Variants in ARHGDIG observed in about 807,000 individuals in gnomAD.
ARHGDIG encodes the protein Rho GDP dissociation inhibitor gamma, also known as rho GDP-dissociation inhibitor 3.
In ARHGDIG, 14 loss-of-function variants were observed where a neutral mutation model predicts 20.2. The observed-to-expected ratio is 0.69, with a 90% CI of 0.46 to 1.08. ARHGDIG has a LOEUF of 1.08. Ranked by LOEUF, ARHGDIG falls within the 50% of genes least tolerant of loss-of-function variation. The pLI is 0.00. For synonymous variants in ARHGDIG, 193 were observed against 138.6 expected (o/e 1.39, Z -2.76); for missense variants, 311 against 301.8 (o/e 1.03, Z -0.23).
In ARHGDIG at chr16:282,937, C is replaced by G. The variant is rs566257003; in HGVS notation, c.*123C>G. 1.0e-4 allele frequency: 111 copies of G among 1,092,650 alleles called. No homozygotes were observed. In the East Asian group the frequency reaches 2.9e-3, roughly 29 times the overall value. The allele number at this position is 1,092,650 out of a possible 1,614,324, so 67.7% of individuals were successfully genotyped here. A position where few individuals can be genotyped will look rare whatever the true frequency, so the allele number is the denominator to read the frequency against. On this transcript the variant is annotated 3_prime_UTR_variant, in exon 6 of 6. Coordinates refer to ENST00000219409, the MANE Select transcript of ARHGDIG (RefSeq NM_001176.4). ...GCCCCTGCTGCCCCTGCTGCCCCTGCTCTGTCCCGGGACCCCCTGGCCTGG... is the reference window on the plus strand; with the variant it reads ...GCCCCTGCTGCCCCTGCTGCCCCTGGTCTGTCCCGGGACCCCCTGGCCTGG...
At position 282,114 on chromosome 16, in the gene ARHGDIG, T is replaced by C. The variant is rs1233988644; in HGVS notation, c.337+6T>C. The stretch of plus-strand genomic sequence containing the variant: ...CGTCGTCATGGATCTCACAGGTAAC[T>C]CGCAGGATGCTGCACCCTGAACACA... On this transcript the variant is annotated splice_donor_region_variant and intron_variant, in intron 3 of 5. Coordinates refer to ENST00000219409, the MANE Select transcript of ARHGDIG (RefSeq NM_001176.4). The C allele has an allele frequency of 6.2e-7, 1 of 1,612,810 alleles. No homozygotes were observed. Among genetic ancestry groups the C allele is most frequent in the South Asian group, 1.1e-5 (1 of 91,084 alleles).
chr16:280,651 G>T lies in ARHGDIG; in HGVS notation c.-30G>T, dbSNP rs1273877985. On this transcript the variant is annotated 5_prime_UTR_variant, in exon 1 of 6. Coordinates refer to ENST00000219409, the MANE Select transcript of ARHGDIG (RefSeq NM_001176.4). The surrounding 1 kb of genome is among the most constrained non-coding windows in gnomAD (Gnocchi z 6.6). Reference sequence around the variant, plus strand: ...GCGGGGCGGGCGGCGGCTCCTCGGCGGCTCCGCGGCGCCCGGGCCGCGCGC... The same window carrying T: ...GCGGGGCGGGCGGCGGCTCCTCGGCTGCTCCGCGGCGCCCGGGCCGCGCGC... The T allele has an allele frequency of 4.7e-6, 4 of 842,150 alleles. No individual in the cohort carries two copies. The Admixed American group carries it at 1.5e-3, about 314-fold the overall frequency. 52.2% of individuals were successfully genotyped at this position (842,150 alleles called of 1,614,324 possible).
Position 280,711 on chromosome 16 carries a change from G to T in ARHGDIG, c.31G>T (p.Ala11Ser). The change falls in exon 1 of 6, where the codon GCG (alanine) becomes TCG (serine). Residue 11 changes from alanine to serine, a missense_variant. Transcript: ENST00000219409. The surrounding 1 kb of genome is among the most constrained non-coding windows in gnomAD (Gnocchi z 6.6). The stretch of plus-strand genomic sequence containing the variant: ...GGGCCTGGACGCGTGCGAGCTGGGG[G>T]CGCAGCTGCTGGAGCTGCTCCGGCT... MLGLDACELG[A>S]QLLELLRLAL... 7.9e-7 allele frequency: 1 copy of T among 1,272,032 alleles called. No homozygotes were observed. Among genetic ancestry groups the T allele is most frequent in the South Asian group, 2.0e-5 (1 of 49,228 alleles). 78.8% of individuals were successfully genotyped at this position (1,272,032 alleles called of 1,614,324 possible).
chr16:280,780 G>GC lies in ARHGDIG; in HGVS notation c.73+28dup, dbSNP rs1860021471. The GC allele has an allele frequency of 9.6e-6, 12 of 1,256,110 alleles. No individual in the cohort carries two copies. The highest frequency in any genetic ancestry group is 9.5e-5 in the African/African-American group (6 of 63,190). The allele number at this position is 1,256,110 out of a possible 1,614,324, so 77.8% of individuals were successfully genotyped here. ...TGAGCGGGCCGGGCAGGGGCGGGGG[G>GC]CTCGGCTGGTCTCAGCCCCGGGCGG... On this transcript the variant is annotated intron_variant, in intron 1 of 5. Transcript: ENST00000219409. The surrounding 1 kb of genome is among the most constrained non-coding windows in gnomAD (Gnocchi z 6.6).
chr16:281,151 G>A (rs113643051), intron 1 of ARHGDIG: 17,201 of 154,120 alleles, frequency 0.11, 1,573 homozygotes, highest in African/African-American at 0.26. Context: ...ACCAGCCCGG[G>A]GCGCCATGGG....
intron 5 of ARHGDIG, 31 bp downstream of exon 5, chr16:282,561 G>A (rs761872944): frequency 1.9e-5 from 30 of 1,546,858 alleles, no homozygotes; most frequent in Non-Finnish European, 2.4e-5. Flanking sequence ...AACGGGGCGG[G>A]GGGGGGAAGC....
In ARHGDIG at chr16:280,660, G is replaced by GT. The variant is rs1319543702; in HGVS notation, c.-21_-20insT. The stretch of plus-strand genomic sequence containing the variant: ...GCGGCGGCTCCTCGGCGGCTCCGCG[G>GT]CGCCCGGGCCGCGCGCCGCCATGCT... On this transcript the variant is annotated 5_prime_UTR_variant, in exon 1 of 6. Coordinates refer to ENST00000219409, the MANE Select transcript of ARHGDIG (RefSeq NM_001176.4). This position sits in a 1 kb window ranked among gnomAD's most constrained non-coding sequence, Gnocchi z 6.6. 8 of 690,112 alleles carry GT rather than the reference G, an allele frequency of 1.2e-5. 1 individual carries two copies. The highest frequency in any genetic ancestry group is 1.1e-5 in the Non-Finnish European group (7 of 623,806). 42.7% of individuals were successfully genotyped at this position (690,112 alleles called of 1,614,324 possible). A position where few individuals can be genotyped will look rare whatever the true frequency, so the allele number is the denominator to read the frequency against.
Position 280,599 on chromosome 16 carries a change from C to G in ARHGDIG, c.-82C>G, listed in dbSNP as rs2052272362. The stretch of plus-strand genomic sequence containing the variant: ...CGGGATGAGCTCACCGCAGTCGCGC[C>G]GGGGCTGAGCGCCGAGCGGGGCGGC... On this transcript the variant is annotated 5_prime_UTR_variant, in exon 1 of 6. Coordinates refer to ENST00000219409, the MANE Select transcript of ARHGDIG (RefSeq NM_001176.4). This position sits in a 1 kb window ranked among gnomAD's most constrained non-coding sequence, Gnocchi z 6.6. The G allele has an allele frequency of 1.5e-6, 1 of 668,654 alleles. No individual in the cohort carries two copies. Among genetic ancestry groups the G allele is most frequent in the Non-Finnish European group, 1.8e-6 (1 of 543,522 alleles). The allele number at this position is 668,654 out of a possible 1,614,324, so 41.4% of individuals were successfully genotyped here.
Position 282,284 on chromosome 16 carries a change from GT to G in ARHGDIG, c.338-10del. The G allele has an allele frequency of 6.2e-7, 1 of 1,613,214 alleles. No homozygotes were observed. Among genetic ancestry groups the G allele is most frequent in the Non-Finnish European group, 8.5e-7 (1 of 1,179,932 alleles). The stretch of plus-strand genomic sequence containing the variant: ...TAGGGGAGTTCCGACCCTAGCTGAG[GT>G]TTCCCCAATAGGGGACCTGGCTGTT... On this transcript the variant is annotated splice_polypyrimidine_tract_variant and intron_variant, in intron 3 of 5. Transcript: ENST00000219409.
rs552290912 is a variant in ARHGDIG, at chr16:282,825, C to G, written c.*11C>G. ...GACTGGAAGGACTGAACCCCCAGTC[C>G]GTGTCTCCCCTACCTCCCTCAGTTG... On this transcript the variant is annotated 3_prime_UTR_variant, in exon 6 of 6. Coordinates refer to ENST00000219409, the MANE Select transcript of ARHGDIG (RefSeq NM_001176.4). The G allele has an allele frequency of 6.3e-7, 1 of 1,581,072 alleles. No homozygotes were observed. Among genetic ancestry groups the G allele is most frequent in the African/African-American group, 1.3e-5 (1 of 74,288 alleles).
In ARHGDIG at chr16:282,093, G is replaced by A. The variant is rs148414600; in HGVS notation, c.322G>A (p.Val108Ile). 1.4e-5 allele frequency: 23 copies of A among 1,612,756 alleles called. No homozygotes were observed. Among genetic ancestry groups the A allele is most frequent in the African/African-American group, 5.3e-5 (4 of 74,894 alleles). ...LLSEQAPGPV[V>I]MDLTGDLAVL... is the part of the protein sequence containing the mutation. ...GTCGGAACAGGCTCCGGGGCCCGTC[G>A]TCATGGATCTCACAGGTAACTCGCA... is the stretch of plus-strand genomic sequence containing the variant. The change falls in exon 3 of 6, where the codon GTC (valine) becomes ATC (isoleucine). Residue 108 changes from valine to isoleucine, a missense_variant. Transcript: ENST00000219409.
chr16:281,760 A>G lies in ARHGDIG; in HGVS notation c.88A>G (p.Lys30Glu), dbSNP rs759298517. Residue 30 changes from lysine to glutamate, a missense_variant, in exon 2 of 6, where the codon AAG (lysine) becomes GAG (glutamate). Physicochemically the swap from Lys to Glu is moderately conservative, Grantham distance 56. Coordinates refer to ENST00000219409, the MANE Select transcript of ARHGDIG (RefSeq NM_001176.4). ...CCCACCCCCAGTCCTCCTGGCTGACAAGGAGGGTGGGCCGCCGGCAGTGGA... is the reference window on the plus strand; with the variant it reads ...CCCACCCCCAGTCCTCCTGGCTGACGAGGAGGGTGGGCCGCCGGCAGTGGA... ...ALCARVLLAD[K>E]EGGPPAVDEV... 3.8e-6 allele frequency: 6 copies of G among 1,596,860 alleles called. No homozygotes were observed. The highest frequency in any genetic ancestry group is 5.1e-6 in the Non-Finnish European group (6 of 1,172,266).
At position 282,284 on chromosome 16, in the gene ARHGDIG, G is replaced by A. The variant is rs1330835687; in HGVS notation, c.338-13G>A. The A allele has an allele frequency of 5.0e-6, 8 of 1,613,214 alleles. No homozygotes were observed. Among genetic ancestry groups the A allele is most frequent in the Admixed American group, 3.3e-5 (2 of 60,022 alleles). ...TAGGGGAGTTCCGACCCTAGCTGAG[G>A]TTTCCCCAATAGGGGACCTGGCTGT... On this transcript the variant is annotated splice_polypyrimidine_tract_variant and intron_variant, in intron 3 of 5. Coordinates refer to ENST00000219409, the MANE Select transcript of ARHGDIG (RefSeq NM_001176.4).
At chr16:282,441 G>T (rs200907964) in intron 4 of ARHGDIG, 26 bp from the exon 5 acceptor site, 7 of 1,612,048 alleles carry the variant, frequency 4.3e-6, no homozygotes, top group Non-Finnish European at 5.1e-6. Context: ...GGCCCCCAGA[G>T]GAACCCCTAA....
intron 3 of ARHGDIG, 50 bp downstream of exon 3, chr16:282,158 A>G (rs2052292991): frequency 5.0e-6 from 8 of 1,609,606 alleles, no homozygotes; most frequent in Non-Finnish European, 6.8e-6. Context: ...CCTCCCAGGC[A>G]CGCTTCTGCA....
At chr16:282,402 A>G in intron 4 of ARHGDIG, 29 bp downstream of exon 4, 5 of 740,490 alleles carry the variant, frequency 6.8e-6, no homozygotes, top group Non-Finnish European at 1.1e-5. Context: ...GGCGGAGGGG[A>G]TGGGGGTGGG....
intron 5 of ARHGDIG, 27 bp from the exon 6 acceptor site, chr16:282,588 C>G: frequency 3.8e-6 from 6 of 1,570,070 alleles, no homozygotes; most frequent in Non-Finnish European, 4.3e-6. Context: ...AGACAGAGGA[C>G]AGCTCTGATG....
Position 282,663 on chromosome 16 carries a change from A to C in ARHGDIG, c.527A>C (p.Glu176Ala), listed in dbSNP as rs759751565. ...GGCAGCTATGGCCCGAGCGCCCAGG[A>C]GTATGAGTTTGTGACTCCGGTGGAG... ...MVGSYGPSAQ[E>A]YEFVTPVEEA... is the part of the protein sequence containing the mutation. Residue 176 changes from glutamate (E) to alanine (A), a missense_variant, in exon 6 of 6, where the codon GAG (glutamate) becomes GCG (alanine). Physicochemically the swap from Glu to Ala is moderately radical, Grantham distance 107. Coordinates refer to ENST00000219409, the MANE Select transcript of ARHGDIG (RefSeq NM_001176.4). 1 of 1,601,418 alleles carries C rather than the reference A, an allele frequency of 6.2e-7. No individual in the cohort carries two copies. Among genetic ancestry groups the C allele is most frequent in the Non-Finnish European group, 8.5e-7 (1 of 1,173,706 alleles).
rs114176225 is a variant in ARHGDIG at position 281,850 on chromosome 16, C to T, written c.178C>T (p.Arg60Trp). The change falls in exon 2 of 6, where the codon CGG becomes TGG. Residue 60 changes from arginine (R) to tryptophan (W), a missense_variant. Physicochemically the swap from Arg to Trp is moderately radical, Grantham distance 101. Transcript: ENST00000219409. ...GGGGAGGAAGAGCCTCTTGGAGATC[C>T]GGCAGCTGGACCCGGACGACAGGAG... Reference protein sequence around the residue: ...APGRKSLLEIRQLDPDDRSLA... With the variant: ...APGRKSLLEIWQLDPDDRSLA... The T allele has an allele frequency of 5.1e-4, 824 of 1,611,680 alleles. 5 individuals carry two copies. The African/African-American group carries it at 9.0e-3, about 18-fold the overall frequency.
Sources: allele counts gnomAD v4.1 joint callset, GRCh38; gene constraint gnomAD v4.1.1; non-coding constraint Gnocchi (gnomAD v3.1); transcripts MANE v1.5; gene names NCBI Gene and HGNC (gene_info 2026-07-23, HGNC 2026-07-21).